The following TRPM6 variants were observed in gnomAD, a reference collection of about 807,000 sequenced individuals.
The protein encoded by TRPM6 is transient receptor potential cation channel subfamily M member 6.
Under a neutral mutation model 247.6 loss-of-function variants are expected in TRPM6, and 111 were observed. The ratio of observed to expected loss-of-function variants is 0.45; its 90% confidence interval spans 0.38 to 0.52. The LOEUF (loss-of-function observed/expected upper bound fraction) is 0.52, where lower values mean the gene tolerates loss of function less well. Ranked by LOEUF, TRPM6 falls within the 20% of genes least tolerant of loss-of-function variation. The probability of loss-of-function intolerance (pLI) is 0.00; values close to 1 mark genes in which losing one functional copy is unlikely to be tolerated. For synonymous variants in TRPM6, 892 were observed against 853.8 expected (o/e 1.04, Z -0.78); for missense variants, 2,126 against 2,421.5 (o/e 0.88, Z 2.56).
chr9:74,762,337 A>T lies in TRPM6; in HGVS notation c.4334T>A (p.Ile1445Asn). Reference protein sequence around the residue: ...TMSSPLSQAKIMQTGGGYVNW... With the variant: ...TMSSPLSQAKNMQTGGGYVNW... ...TACATATCCACCTCCAGTTTGCATG[A>T]TCTTGGCTTGGGAAAGAGGGGAGCT... The change falls in exon 26 of 39, where the codon ATC becomes AAC. Residue 1445 changes from isoleucine to asparagine, a missense_variant. Around this residue, in one of 3 missense-constraint regions of TRPM6, gnomAD observed 717 missense variants for 715.9 expected, o/e 1.00. Transcript: ENST00000360774. 1.2e-6 allele frequency: 2 copies of T among 1,614,188 alleles called. No homozygotes were observed. Among genetic ancestry groups the T allele is most frequent in the South Asian group, 1.1e-5 (1 of 91,088 alleles).
intron 1 of TRPM6, among the ~76,000 whole-genome samples, chr9:74,871,694 A>C (rs1831036113): frequency 6.6e-6 from 1 of 152,104 alleles, no homozygotes; most frequent in Admixed American, 6.6e-5. Flanking sequence ...CCAATTTATA[A>C]GCACAATAGA....
In TRPM6 at chr9:74,762,449, C is replaced by G. The variant is rs139779010; in HGVS notation, c.4222G>C (p.Glu1408Gln). ...ASVDEPKEKHEPIAHLLDGQD... is the reference protein window; with the variant it reads ...ASVDEPKEKHQPIAHLLDGQD... ...CCATCCAGTAAGTGAGCAATAGGCT[C>G]GTGCTTTTCCTTGGGTTCATCCACT... The change falls in exon 26 of 39, where the codon GAG (glutamate) becomes CAG (glutamine). Residue 1408 changes from glutamate to glutamine, a missense_variant. By Grantham distance (29) the Glu-to-Gln change is conservative. Transcript: ENST00000360774. 1 of 1,614,046 alleles carries G rather than the reference C, an allele frequency of 6.2e-7. No individual in the cohort carries two copies. Among genetic ancestry groups the G allele is most frequent in the Non-Finnish European group, 8.5e-7 (1 of 1,180,042 alleles).
intron 15 of TRPM6, among the ~76,000 whole-genome samples, chr9:74,802,573 A>G (rs7848706): frequency 6.6e-6 from 1 of 152,064 alleles, no homozygotes; most frequent in African/African-American, 2.4e-5. Flanking sequence ...TAGAGACTAC[A>G]TGACAACTTT....
At chr9:74,830,743 A>ATTTTTTTTTTTTTTTTTTTTTTT (rs1564034405) in intron 6 of TRPM6, among the ~76,000 whole-genome samples, 1 of 106,236 alleles carries the variant, frequency 9.4e-6, no homozygotes, top group African/African-American at 3.7e-5. Context: ...TGCCCAGCTA[A>ATTTTTTTTTTTTTTTTTTTTTTT]TTTTTGTTTT....
intron 1 of TRPM6, among the ~76,000 whole-genome samples, chr9:74,873,606 A>G (rs1292176673): frequency 6.6e-6 from 1 of 152,184 alleles, no homozygotes; most frequent in Non-Finnish European, 1.5e-5. Flanking sequence ...CACAGGATGC[A>G]ATTTCGGGAG....
chr9:74,878,438 C>T (rs1009098376), intron 1 of TRPM6, among the ~76,000 whole-genome samples: 12 of 152,170 alleles, frequency 7.9e-5, no homozygotes, highest in African/African-American at 1.9e-4. Flanking sequence ...TCTTATGTCC[C>T]CATCCCCAGC....
intron 7 of TRPM6, among the ~76,000 whole-genome samples, chr9:74,822,891 G>A (rs1829181232): frequency 6.6e-6 from 1 of 151,906 alleles, no homozygotes; most frequent in South Asian, 2.1e-4. Flanking sequence ...GCACATACCT[G>A]TATGTATAGC....
At chr9:74,844,728 AT>A (rs1830053953) in intron 3 of TRPM6, among the ~76,000 whole-genome samples, 3 of 152,172 alleles carry the variant, frequency 2.0e-5, no homozygotes, top group Admixed American at 2.0e-4. Flanking sequence ...AGCACTTATA[AT>A]TTCCATCAAG....
intron 19 of TRPM6, among the ~76,000 whole-genome samples, chr9:74,791,023 T>C (rs1197804857): frequency 2.0e-5 from 3 of 152,152 alleles, no homozygotes; most frequent in Non-Finnish European, 1.5e-5. Flanking sequence ...AAAAACACCA[T>C]GGTGGGCAGA....
At chr9:74,730,823 T>C (rs1563987106) in intron 37 of TRPM6, among the ~76,000 whole-genome samples, 1 of 152,198 alleles carries the variant, frequency 6.6e-6, no homozygotes, top group Non-Finnish European at 1.5e-5. Context: ...CTTCTTGTTA[T>C]CTTGACCATG....
intron 23 of TRPM6, among the ~76,000 whole-genome samples, chr9:74,779,102 C>A (rs1827327314): frequency 6.6e-6 from 1 of 152,162 alleles, no homozygotes; most frequent in African/African-American, 2.4e-5. Context: ...CATGGTGAAA[C>A]CCTGTCTCTA....
intron 27 of TRPM6, among the ~76,000 whole-genome samples, chr9:74,760,559 C>T (rs1334469234): frequency 6.6e-6 from 1 of 152,098 alleles, no homozygotes; most frequent in African/African-American, 2.4e-5. Context: ...CATGACTGTA[C>T]AGAGGGCAAA....
chr9:74,831,539 C>A (rs148280145), intron 6 of TRPM6, among the ~76,000 whole-genome samples: 2,342 of 152,194 alleles, frequency 0.015, 33 homozygotes, highest in South Asian at 0.047. Context: ...AGCAAACAGC[C>A]TTTACTCTGA....
chr9:74,739,619 G>A, intron 34 of TRPM6, 104 bp downstream of exon 34: 1 of 1,549,310 alleles, frequency 6.5e-7, no homozygotes, highest in Non-Finnish European at 8.8e-7. Flanking sequence ...AAAATAATAG[G>A]CTCCCCTTTG....
intron 1 of TRPM6, among the ~76,000 whole-genome samples, chr9:74,876,103 G>A (rs537793947): frequency 6.6e-6 from 1 of 152,248 alleles, no homozygotes; most frequent in African/African-American, 2.4e-5. Context: ...TATTTTTGGA[G>A]ATGGATTTTC....
At chr9:74,760,385 C>G (rs1826582855) in intron 27 of TRPM6, among the ~76,000 whole-genome samples, 1 of 152,164 alleles carries the variant, frequency 6.6e-6, no homozygotes, top group Non-Finnish European at 1.5e-5. Context: ...CAGTAACATG[C>G]TGTACAAGTT....
At chr9:74,803,711 C>T (rs962235284) in intron 15 of TRPM6, 83 bp downstream of exon 15, 1 of 980,102 alleles carries the variant, frequency 1.0e-6, no homozygotes, top group Non-Finnish European at 1.7e-6. Context: ...ATTTGCACCT[C>T]CCTTTCTTTG....
chr9:74,724,276 C>T lies in TRPM6; in HGVS notation c.*337G>A, dbSNP rs905327081. On this transcript the variant is annotated 3_prime_UTR_variant, in exon 39 of 39. Transcript: ENST00000360774. ...AGAAAATAAAATAAATGTATCCCCC[C>T]CAACCCCATCCTTTAATGTGCAGGA... 5.3e-6 allele frequency: 2 copies of T among 378,954 alleles called. No homozygotes were observed. The highest frequency in any genetic ancestry group is 6.1e-5 in the East Asian group (1 of 16,388). 23.5% of individuals were successfully genotyped at this position (378,954 alleles called of 1,614,324 possible). A position where few individuals can be genotyped will look rare whatever the true frequency, so the allele number is the denominator to read the frequency against.
In TRPM6 at chr9:74,840,209, A is replaced by G; in HGVS notation, c.359T>C (p.Leu120Pro). 2 of 1,613,854 alleles carry G rather than the reference A, an allele frequency of 1.2e-6. No individual in the cohort carries two copies. The highest frequency in any genetic ancestry group is 1.1e-5 in the South Asian group (1 of 91,074). Residue 120 changes from leucine to proline, a missense_variant, in exon 5 of 39, where the codon CTG (leucine) becomes CCG (proline). Physicochemically the swap from Leu to Pro is moderately conservative, Grantham distance 98. Coordinates refer to ENST00000360774, the MANE Select transcript of TRPM6 (RefSeq NM_017662.5). The stretch of plus-strand genomic sequence containing the variant: ...CAACATTAAATGTAACAGATGATCC[A>G]GTTTTGTATCATAAGAAGTTCTAAT... ...KYIRTSYDTKLDHLLHLMLKE... is the reference protein window; with the variant it reads ...KYIRTSYDTKPDHLLHLMLKE...
Sources: gnomAD v4.1 joint callset for allele counts (sites outside exome capture counted in the v4.1 genomes callset) on GRCh38, gnomAD v4.1.1 for gene constraint, gnomAD v4.1.1 regional missense constraint, MANE v1.5 for transcripts, NCBI Gene and HGNC (gene_info 2026-07-23, HGNC 2026-07-21) for gene names.